The following TMEM108 variants were observed in gnomAD, a reference collection of about 807,000 sequenced individuals.
The protein encoded by TMEM108 is cancer/testis antigen 124.
Under a neutral mutation model 35.1 loss-of-function variants are expected in TMEM108, and 12 were observed. The ratio of observed to expected loss-of-function variants is 0.34; its 90% CI spans 0.22 to 0.55. TMEM108 has a LOEUF of 0.55. Among genes scored for constraint, TMEM108 ranks in the 20% least tolerant of loss-of-function variants. TMEM108 has a pLI of 0.89. For missense variants in TMEM108, 680 were observed against 753.3 expected, an observed-to-expected ratio of 0.90 and a Z score of 1.14; for synonymous variants, 287 against 308.6, an observed-to-expected ratio of 0.93 and a Z score of 0.73.
At chr3:133,377,628 G>A (rs1450533637) in intron 3 of TMEM108, among the ~76,000 whole-genome samples, 1 of 152,160 alleles carries the variant, frequency 6.6e-6, no homozygotes, top group African/African-American at 2.4e-5. Flanking sequence ...CCTGGGCCAG[G>A]GCAAGTGTTC....
At chr3:133,108,733 A>C (rs1396204526) in intron 2 of TMEM108, among the ~76,000 whole-genome samples, 1 of 151,562 alleles carries the variant, frequency 6.6e-6, no homozygotes, top group Non-Finnish European at 1.5e-5. Context: ...AAACTATCGC[A>C]AGGACGAAAA....
At chr3:133,326,773 G>A (rs2071338420) in intron 3 of TMEM108, among the ~76,000 whole-genome samples, 2 of 152,160 alleles carry the variant, frequency 1.3e-5, no homozygotes, top group Admixed American at 6.5e-5. Context: ...AAAGTCCTGG[G>A]TTCAAATTCT....
intron 2 of TMEM108, among the ~76,000 whole-genome samples, chr3:133,168,388 G>GCC (rs984469803): frequency 4.6e-5 from 7 of 152,138 alleles, no homozygotes; most frequent in African/African-American, 1.7e-4. Context: ...ATGGCGGAAG[G>GCC]CTTGAAGGGC....
chr3:133,149,743 T>C (rs1172004482), intron 2 of TMEM108, among the ~76,000 whole-genome samples: 2 of 152,182 alleles, frequency 1.3e-5, no homozygotes, highest in Non-Finnish European at 2.9e-5. Flanking sequence ...TAAGGGAATA[T>C]ATATATGTCT....
intron 2 of TMEM108, among the ~76,000 whole-genome samples, chr3:133,102,023 A>G (rs1046441270): frequency 1.3e-5 from 2 of 152,220 alleles, no homozygotes; most frequent in Admixed American, 6.5e-5. Flanking sequence ...TAGAAGTACT[A>G]AGTCTTTTGA....
At chr3:133,275,212 G>GT (rs1559889435) in intron 3 of TMEM108, among the ~76,000 whole-genome samples, 2 of 152,222 alleles carry the variant, frequency 1.3e-5, no homozygotes, top group African/African-American at 4.8e-5. Context: ...GAAAATGGGA[G>GT]TTTTTTCCTT....
intron 3 of TMEM108, among the ~76,000 whole-genome samples, chr3:133,233,136 C>T (rs2107654799): frequency 6.6e-6 from 1 of 151,838 alleles, no homozygotes; most frequent in East Asian, 1.9e-4. Context: ...GTGTGCTGCA[C>T]CCATTAACTC....
At chr3:133,282,769 T>A (rs1393998036) in intron 3 of TMEM108, among the ~76,000 whole-genome samples, 2 of 152,188 alleles carry the variant, frequency 1.3e-5, no homozygotes, top group Non-Finnish European at 2.9e-5. Context: ...GCAGCATTGT[T>A]TGTAATAATG....
At chr3:133,278,714 A>T (rs1404640600) in intron 3 of TMEM108, among the ~76,000 whole-genome samples, 2 of 152,244 alleles carry the variant, frequency 1.3e-5, no homozygotes, top group Non-Finnish European at 2.9e-5. Context: ...ATCATATATC[A>T]GTCCTTCACT....
intron 2 of TMEM108, among the ~76,000 whole-genome samples, chr3:133,186,284 A>T (rs7642901): frequency 2.6e-5 from 4 of 152,062 alleles, no homozygotes; most frequent in Non-Finnish European, 4.4e-5. Flanking sequence ...ACATTCTTGA[A>T]TCTTACTTTC....
intron 2 of TMEM108, among the ~76,000 whole-genome samples, chr3:133,057,565 G>T (rs1475817580): frequency 6.7e-6 from 1 of 150,128 alleles, no homozygotes; most frequent in Non-Finnish European, 1.5e-5. Context: ...AACTGTTGGG[G>T]TTCTTCTGCA....
chr3:133,302,423 T>C (rs112560820), intron 3 of TMEM108, among the ~76,000 whole-genome samples: 22 of 144,918 alleles, frequency 1.5e-4, no homozygotes, highest in African/African-American at 5.3e-4. Context: ...TTCTTTTTTT[T>C]TTTTTTTTTT....
At chr3:133,374,563 TACAC>T (rs1236381464) in intron 3 of TMEM108, among the ~76,000 whole-genome samples, 24 of 78,008 alleles carry the variant, frequency 3.1e-4, no homozygotes, top group African/African-American at 8.3e-4. Context: ...TATATATATA[TACAC>T]ACACACACAT....
intron 2 of TMEM108, among the ~76,000 whole-genome samples, chr3:133,144,926 C>T (rs1944695026): frequency 6.6e-6 from 1 of 152,096 alleles, no homozygotes; most frequent in South Asian, 2.1e-4. Flanking sequence ...TGCCTGTTCA[C>T]TCTGATAGTT....
intron 3 of TMEM108, among the ~76,000 whole-genome samples, chr3:133,329,465 C>T (rs2071368201): frequency 6.6e-6 from 1 of 152,120 alleles, no homozygotes; most frequent in Non-Finnish European, 1.5e-5. Flanking sequence ...CTTGTCCCGG[C>T]AGTCAGGATT....
At chr3:133,069,196 C>G (rs1943647356) in intron 2 of TMEM108, among the ~76,000 whole-genome samples, 1 of 152,194 alleles carries the variant, frequency 6.6e-6, no homozygotes, top group Non-Finnish European at 1.5e-5. Flanking sequence ...GAAGACTTTA[C>G]TTAAGAATGC....
chr3:133,155,736 T>G (rs577930467), intron 2 of TMEM108, among the ~76,000 whole-genome samples: 1 of 152,322 alleles, frequency 6.6e-6, no homozygotes, highest in East Asian at 1.9e-4. Context: ...CAGTAGATTC[T>G]GGATATTAGA....
At position 133,380,548 on chromosome 3, in the gene TMEM108, C is replaced by A. The variant is rs1449334003; in HGVS notation, c.837C>A (p.Gly279=). 2.5e-6 allele frequency: 4 copies of A among 1,613,918 alleles called. No homozygotes were observed. In the South Asian group the frequency reaches 3.3e-5, roughly 13 times the overall value. ...TSLGPAKDKP[G]LRRAAQGGGS... ...TGGGGCCTGCAAAGGACAAGCCAGG[C>A]CTTCGCAGAGCAGCCCAGGGGGGTG... Residue 279 remains glycine (G), a synonymous_variant, in exon 4 of 6, where the codon GGC becomes GGA. Transcript: ENST00000321871. The surrounding 1 kb of genome is among the most constrained non-coding windows in gnomAD (Gnocchi z 5.3).
intron 2 of TMEM108, among the ~76,000 whole-genome samples, chr3:133,088,134 C>T (rs1943905704): frequency 6.6e-6 from 1 of 152,074 alleles, no homozygotes; most frequent in Non-Finnish European, 1.5e-5. Flanking sequence ...GTCTGTGGTC[C>T]TTGTTGTCAT....
Sources: gnomAD v4.1 joint callset for allele counts (sites outside exome capture counted in the v4.1 genomes callset) on GRCh38, gnomAD v4.1.1 for gene constraint, Gnocchi (gnomAD v3.1) non-coding constraint, MANE v1.5 for transcripts, NCBI Gene and HGNC (gene_info 2026-07-23, HGNC 2026-07-21) for gene names.